DOCK1: variants seen among roughly 807,000 people sequenced by gnomAD.
The protein encoded by DOCK1 is dedicator of cytokinesis 1.
A neutral mutation model predicts 262.7 loss-of-function variants in DOCK1; 138 were observed. The ratio of observed to expected loss-of-function variants is 0.53; its 90% confidence interval spans 0.46 to 0.61. The LOEUF is 0.61. Ranked by LOEUF, DOCK1 falls within the 20% of genes least tolerant of loss-of-function variation. The pLI, the probability that DOCK1 is intolerant of heterozygous loss-of-function variation, is 0.00. For synonymous variants in DOCK1, 866 were observed against 867.4 expected (o/e 1.00, Z 0.03); for missense variants, 1,908 against 2,370.7 (o/e 0.80, Z 4.05).
chr10:126,953,291 G>A (rs1157607312), intron 1 of DOCK1, among the ~76,000 whole-genome samples: 2 of 151,438 alleles, frequency 1.3e-5, no homozygotes, highest in Non-Finnish European at 2.9e-5. Flanking sequence ...GGTGTGGTGT[G>A]GTGGTAGTGG....
intron 27 of DOCK1, among the ~76,000 whole-genome samples, chr10:127,242,718 A>T (rs2059305111): frequency 6.6e-6 from 1 of 152,122 alleles, no homozygotes; most frequent in Non-Finnish European, 1.5e-5. Flanking sequence ...TTTTATGATG[A>T]TTATAAGATG....
chr10:127,433,003 T>C (rs1389154289), intron 47 of DOCK1, among the ~76,000 whole-genome samples: 2 of 152,256 alleles, frequency 1.3e-5, no homozygotes, highest in Non-Finnish European at 2.9e-5. Flanking sequence ...GGCTTTGGAA[T>C]GTGTTGACGC....
intron 27 of DOCK1, among the ~76,000 whole-genome samples, chr10:127,144,294 T>A (rs1592205080): frequency 6.6e-6 from 1 of 152,096 alleles, no homozygotes; most frequent in African/African-American, 2.4e-5. Flanking sequence ...AATAACAAAG[T>A]CCACCCTCCC....
At chr10:126,973,648 G>A (rs1012001273) in intron 2 of DOCK1, among the ~76,000 whole-genome samples, 6 of 152,112 alleles carry the variant, frequency 3.9e-5, no homozygotes, top group African/African-American at 1.2e-4. Flanking sequence ...GTTTTAATCT[G>A]AATCTAATCA....
intron 28 of DOCK1, among the ~76,000 whole-genome samples, chr10:127,250,242 G>C (rs749867099): frequency 6.6e-6 from 1 of 152,186 alleles, no homozygotes; most frequent in African/African-American, 2.4e-5. Context: ...GTCCCCACGT[G>C]CAAACATGTA....
chr10:127,308,691 T>C (rs2061960847), intron 29 of DOCK1, among the ~76,000 whole-genome samples: 1 of 152,252 alleles, frequency 6.6e-6, no homozygotes, highest in Non-Finnish European at 1.5e-5. Flanking sequence ...GAGTGTTTGG[T>C]TTTTTGTTCC....
chr10:127,397,335 C>T (rs113273805), intron 38 of DOCK1, among the ~76,000 whole-genome samples: 5 of 147,164 alleles, frequency 3.4e-5, no homozygotes, highest in East Asian at 4.1e-4. Flanking sequence ...ATGAGTTACA[C>T]GGGCGGTGTC....
At chr10:127,094,787 A>C (rs911113943) in intron 23 of DOCK1, among the ~76,000 whole-genome samples, 2 of 152,208 alleles carry the variant, frequency 1.3e-5, no homozygotes, top group Admixed American at 6.5e-5. Context: ...ATTTTCCTGC[A>C]GTTCAGACCC....
chr10:127,319,581 G>A (rs886675281), intron 29 of DOCK1, among the ~76,000 whole-genome samples: 5 of 152,176 alleles, frequency 3.3e-5, no homozygotes, highest in African/African-American at 4.8e-5. Flanking sequence ...GGCCATATTC[G>A]GGTGGTAAAA....
intron 29 of DOCK1, among the ~76,000 whole-genome samples, chr10:127,295,127 TG>T (rs2061463386): frequency 6.6e-6 from 1 of 152,188 alleles, no homozygotes. Flanking sequence ...GAGGAATACC[TG>T]AGGCTGGGTA....
rs1022575665 is a variant in DOCK1 at position 127,182,213 on chromosome 10, G to A, written c.2847+54449G>A. 2.0e-5 allele frequency among the ~76,000 whole-genome samples: 3 copies of A among 152,214 alleles called. No homozygotes were observed. The East Asian group carries it at 5.8e-4, about 29-fold the overall frequency. On this transcript the variant is annotated intron_variant, in intron 27 of 51. Coordinates refer to ENST00000623213, the MANE Select transcript of DOCK1 (RefSeq NM_001290223.2). ...AAAGCAGGGAAAAGGGGCACTCACA[G>A]AGGTTAAATGTAGGCATCGAGGCAG...
chr10:127,429,042 A>ATGTGGATTGGGGTGCTG (rs2069090148), intron 47 of DOCK1, among the ~76,000 whole-genome samples: 1 of 69,340 alleles, frequency 1.4e-5, no homozygotes, highest in Non-Finnish European at 2.8e-5. Flanking sequence ...TTGGGGTGTC[A>ATGTGGATTGGGGTGCTG]TGTGGATTGG....
At chr10:127,423,941 A>G (rs1565080991) in intron 46 of DOCK1, among the ~76,000 whole-genome samples, 1 of 152,174 alleles carries the variant, frequency 6.6e-6, no homozygotes, top group Non-Finnish European at 1.5e-5. Flanking sequence ...TTAGGAATGC[A>G]GATTCCTGGG....
At chr10:127,367,870 C>G (rs183254873) in intron 33 of DOCK1, among the ~76,000 whole-genome samples, 1 of 152,254 alleles carries the variant, frequency 6.6e-6, no homozygotes, top group African/African-American at 2.4e-5. Flanking sequence ...CCTCCTAGTG[C>G]TTGCAGTGTG....
At chr10:127,240,895 AT>A (rs1440574895) in intron 27 of DOCK1, among the ~76,000 whole-genome samples, 1 of 152,232 alleles carries the variant, frequency 6.6e-6, no homozygotes, top group Non-Finnish European at 1.5e-5. Context: ...GTATGTTATT[AT>A]TTTAAATCTG....
intron 27 of DOCK1, among the ~76,000 whole-genome samples, chr10:127,151,372 G>C (rs2052471090): frequency 6.6e-6 from 1 of 152,146 alleles, no homozygotes; most frequent in African/African-American, 2.4e-5. Context: ...TTACTCTGCA[G>C]ACTGTCCTGG....
intron 27 of DOCK1, among the ~76,000 whole-genome samples, chr10:127,152,845 A>C (rs1167153804): frequency 3.3e-5 from 5 of 152,074 alleles, no homozygotes; most frequent in African/African-American, 1.2e-4. Context: ...TCTCCAGGTG[A>C]CCCAGCTTTG....
intron 27 of DOCK1, among the ~76,000 whole-genome samples, chr10:127,149,539 G>T (rs2052273956): frequency 6.6e-6 from 1 of 152,210 alleles, no homozygotes; most frequent in Admixed American, 6.5e-5. Flanking sequence ...CTTGAACACA[G>T]TATCCTTTTC....
intron 27 of DOCK1, among the ~76,000 whole-genome samples, chr10:127,195,157 C>T (rs2057020154): frequency 6.6e-6 from 1 of 152,196 alleles, no homozygotes; most frequent in Non-Finnish European, 1.5e-5. Flanking sequence ...TTTATCCAAG[C>T]AGTGGGGACA....
Sources: allele counts gnomAD v4.1 joint callset (sites outside exome capture counted in the v4.1 genomes callset), GRCh38; gene constraint gnomAD v4.1.1; transcripts MANE v1.5; gene names NCBI Gene and HGNC (gene_info 2026-07-23, HGNC 2026-07-21).